Variants in PPEF1 observed in about 807,000 individuals in gnomAD.
PPEF1 encodes protein phosphatase with EF-hand domain 1.
Under a neutral mutation model 53.3 loss-of-function variants are expected in PPEF1, and 12 were observed. That is an observed-to-expected ratio of 0.23 (90% CI 0.14 to 0.36). PPEF1 has a LOEUF of 0.36. PPEF1 is among the 10% of genes least tolerant of loss of function. The pLI is 1.00. For synonymous variants in PPEF1, 165 were observed against 176.7 expected, an observed-to-expected ratio of 0.93 and a Z score of 0.52; for missense variants, 334 against 490.4, an observed-to-expected ratio of 0.68 and a Z score of 3.01.
chrX:18,813,378 C>CAAA (rs953412612), intron 12 of PPEF1, among the ~76,000 whole-genome samples: 13 of 30,752 alleles, frequency 4.2e-4, no homozygotes, highest in African/African-American at 7.4e-4. Context: ...GACTCCGTCT[C>CAAA]AAAAAAAAAA....
intron 13 of PPEF1, among the ~76,000 whole-genome samples, chrX:18,820,860 A>G (rs987510276): frequency 1.8e-5 from 2 of 111,862 alleles, no homozygotes; most frequent in Admixed American, 9.6e-5. Flanking sequence ...TCTGACATAT[A>G]CAACTCCGTA....
At chrX:18,723,388 C>T (rs2044632267) in intron 1 of PPEF1, among the ~76,000 whole-genome samples, 1 of 111,920 alleles carries the variant, frequency 8.9e-6, no homozygotes, top group African/African-American at 3.2e-5. Context: ...AAAAAAGTAT[C>T]TCCCATTTAT....
At chrX:18,714,514 G>A (rs192580136) in intron 1 of PPEF1, among the ~76,000 whole-genome samples, 2,128 of 110,903 alleles carry the variant, frequency 0.019, 52 homozygotes, top group African/African-American at 0.065. Flanking sequence ...CTTATGGTTC[G>A]CCCGCCTCGG....
intron 9 of PPEF1, among the ~76,000 whole-genome samples, chrX:18,788,167 A>G (rs2046251884): frequency 9.1e-6 from 1 of 109,445 alleles, no homozygotes; most frequent in African/African-American, 3.3e-5. Context: ...AATAGAAAAA[A>G]TTAGCCGGGC....
upstream of PPEF1, among the ~76,000 whole-genome samples, chrX:18,675,131 C>T (rs1331007736): frequency 8.8e-6 from 1 of 113,029 alleles, no homozygotes; most frequent in Non-Finnish European, 1.9e-5. Flanking sequence ...GTTTGGGCGG[C>T]TTGTCTTCCC....
intron 10 of PPEF1, among the ~76,000 whole-genome samples, chrX:18,795,591 C>G (rs2046416668): frequency 9.0e-6 from 1 of 111,625 alleles, no homozygotes; most frequent in Non-Finnish European, 1.9e-5. Context: ...ATTGATCACT[C>G]CTGAGTACTC....
At chrX:18,720,760 C>G (rs996500571) in intron 1 of PPEF1, among the ~76,000 whole-genome samples, 4 of 110,960 alleles carry the variant, frequency 3.6e-5, no homozygotes, top group African/African-American at 1.3e-4. Flanking sequence ...ATTGAAGACT[C>G]TCCACCCACT....
intron 4 of PPEF1, among the ~76,000 whole-genome samples, chrX:18,693,346 C>T (rs1256938428): frequency 1.8e-5 from 2 of 111,751 alleles, no homozygotes; most frequent in African/African-American, 3.3e-5. Flanking sequence ...ATGCTCCCAA[C>T]CTTTGCTGTG....
chrX:18,721,807 C>T (rs1471543108), intron 1 of PPEF1, among the ~76,000 whole-genome samples: 1 of 112,003 alleles, frequency 8.9e-6, no homozygotes, highest in African/African-American at 3.2e-5. Flanking sequence ...GCCAGAGGTT[C>T]CTGAGAATGA....
At chrX:18,813,108 C>T (rs2046840211) in intron 12 of PPEF1, among the ~76,000 whole-genome samples, 2 of 111,111 alleles carry the variant, frequency 1.8e-5, no homozygotes, top group African/African-American at 3.3e-5. Flanking sequence ...TGGCCGGGCA[C>T]GGTGGCTCAT....
chrX:18,735,899 A>G (rs374247942), intron 3 of PPEF1, among the ~76,000 whole-genome samples: 12 of 111,650 alleles, frequency 1.1e-4, no homozygotes, highest in East Asian at 8.4e-4. Context: ...AATTGTGAAT[A>G]GGAGTTCACT....
exon 1 of PPEF1, chrX:18,675,965 G>T (rs1928659192): frequency 1.1e-5 from 1 of 90,085 alleles, no homozygotes; most frequent in Admixed American, 1.2e-4. Context: ...GCGGGGGGGG[G>T]GGGGCATCTT....
intron 3 of PPEF1, among the ~76,000 whole-genome samples, chrX:18,740,784 A>G (rs565336584): frequency 1.7e-4 from 19 of 111,290 alleles, no homozygotes; most frequent in Non-Finnish European, 3.4e-4. Context: ...ATGGAGGTGT[A>G]GTTCAAAAAT....
chrX:18,749,763 AC>A (rs749406115), intron 3 of PPEF1, 28 bp from the exon 4 acceptor site: 3 of 67,902 alleles, frequency 4.4e-5, no homozygotes, highest in African/African-American at 1.6e-4. Context: ...CCCCACCCCC[AC>A]CCCCCCGTTC....
intron 3 of PPEF1, among the ~76,000 whole-genome samples, chrX:18,690,313 T>C (rs1328343227): frequency 2.8e-5 from 3 of 109,020 alleles, no homozygotes; most frequent in Non-Finnish European, 5.7e-5. Context: ...GAGGCAGTAA[T>C]AGTGAGGGTT....
intron 6 of PPEF1, among the ~76,000 whole-genome samples, chrX:18,701,974 T>C (rs1045298795): frequency 5.4e-5 from 6 of 111,898 alleles, no homozygotes; most frequent in African/African-American, 1.9e-4. Context: ...TATCCTCTCA[T>C]GTGGCGAGAC....
intron 4 of PPEF1, among the ~76,000 whole-genome samples, chrX:18,754,000 T>A (rs961492154): frequency 1.8e-5 from 2 of 108,685 alleles, no homozygotes; most frequent in African/African-American, 6.7e-5. Context: ...TTCCTTTAGC[T>A]TGTGTTAAGT....
intron 10 of PPEF1, among the ~76,000 whole-genome samples, chrX:18,790,323 G>A (rs1037223509): frequency 9.0e-6 from 1 of 111,581 alleles, no homozygotes; most frequent in Non-Finnish European, 1.9e-5. Flanking sequence ...CATTGTAGGA[G>A]GTTTTTTGAA....
At chrX:18,737,228 A>G (rs2045006722) in intron 3 of PPEF1, among the ~76,000 whole-genome samples, 1 of 111,649 alleles carries the variant, frequency 9.0e-6, no homozygotes, top group South Asian at 3.7e-4. Flanking sequence ...TAGGGTGTCA[A>G]TTTTATATCT....
Sources: allele counts gnomAD v4.1 joint callset (sites outside exome capture counted in the v4.1 genomes callset), GRCh38; gene constraint gnomAD v4.1.1; transcripts MANE v1.5; gene names NCBI Gene and HGNC (gene_info 2026-07-23, HGNC 2026-07-21).